Variants in BCO1 observed in about 807,000 individuals in gnomAD.
BCO1 encodes the protein beta,beta-carotene 15,15'-dioxygenase.
BCO1 carries 54 observed loss-of-function variants against 56.3 expected under a neutral mutation model. That is an observed-to-expected ratio of 0.96 (90% CI 0.77 to 1.20). The LOEUF (loss-of-function observed/expected upper bound fraction) is 1.20, where lower values mean the gene tolerates loss of function less well. Among genes scored for constraint, BCO1 ranks in the 50% most tolerant of loss-of-function variants. BCO1 has a pLI of 0.00. For missense variants in BCO1, 801 were observed against 690.9 expected, an observed-to-expected ratio of 1.16 and a Z score of -1.79; for synonymous variants, 318 against 266.1, an observed-to-expected ratio of 1.20 and a Z score of -1.90.
At chr16:81,259,835 T>G (rs1158453773) in intron 3 of BCO1, 30 bp downstream of exon 3, 2 of 1,613,696 alleles carry the variant, frequency 1.2e-6, no homozygotes, top group Non-Finnish European at 1.7e-6. Context: ...CTGAGCAAAT[T>G]TCATGCTTTT....
intron 5 of BCO1, among the ~76,000 whole-genome samples, chr16:81,266,539 A>G (rs1305042456): frequency 6.6e-6 from 1 of 152,170 alleles, no homozygotes; most frequent in Admixed American, 6.5e-5. Context: ...TCGAGGTCAG[A>G]AGGTACACGG....
chr16:81,273,137 T>G (rs964772832), intron 7 of BCO1, among the ~76,000 whole-genome samples: 1 of 152,086 alleles, frequency 6.6e-6, no homozygotes, highest in African/African-American at 2.4e-5. Context: ...ACACAGCTCA[T>G]TTTTTGTTTG....
intron 7 of BCO1, among the ~76,000 whole-genome samples, chr16:81,274,203 T>C (rs1423755272): frequency 1.3e-5 from 2 of 151,510 alleles, no homozygotes; most frequent in African/African-American, 4.8e-5. Context: ...CCTTTTGTCA[T>C]GCTCGAGAAT....
At chr16:81,282,236 G>A (rs747040220) in intron 8 of BCO1, among the ~76,000 whole-genome samples, 18 of 152,060 alleles carry the variant, frequency 1.2e-4, no homozygotes, top group Non-Finnish European at 2.1e-4. Context: ...AAAATTAGCC[G>A]GCATGGTGGT....
intron 7 of BCO1, among the ~76,000 whole-genome samples, chr16:81,272,292 TA>T (rs1907277477): frequency 6.6e-6 from 1 of 150,788 alleles, no homozygotes; most frequent in Non-Finnish European, 1.5e-5. Context: ...TTTTTTTTTG[TA>T]TTTTTTAGTA....
At chr16:81,254,559 C>A (rs977765198) in intron 2 of BCO1, among the ~76,000 whole-genome samples, 1 of 151,756 alleles carries the variant, frequency 6.6e-6, no homozygotes, top group African/African-American at 2.4e-5. Context: ...CACCACGCCT[C>A]CCCTCAATTT....
chr16:81,284,184 C>T (rs1462831223), intron 8 of BCO1, among the ~76,000 whole-genome samples: 6 of 150,870 alleles, frequency 4.0e-5, no homozygotes. Flanking sequence ...CAGAGCTAGA[C>T]TCCATCTCAA....
At position 81,290,827 on chromosome 16, in the gene BCO1, C is replaced by T; in HGVS notation, c.*250C>T. On this transcript the variant is annotated 3_prime_UTR_variant, in exon 11 of 11. Coordinates refer to ENST00000258168, the MANE Select transcript of BCO1 (RefSeq NM_017429.3). The stretch of plus-strand genomic sequence containing the variant: ...GATTAGATCCAGTCCTTCTAAGAAA[C>T]CTCCTTTCCTTTAACAAAAAGACCT... The T allele has an allele frequency of 2.3e-6, 1 of 427,474 alleles. No individual in the cohort carries two copies. Among genetic ancestry groups the T allele is most frequent in the East Asian group, 3.7e-5 (1 of 27,164 alleles). The allele number at this position is 427,474 out of a possible 1,614,324, so 26.5% of individuals were successfully genotyped here.
At position 81,251,890 on chromosome 16, in the gene BCO1, G is replaced by GTGTGTGTGTA. The variant is rs1286111425; in HGVS notation, c.193+6288_193+6289insGTGTGTGTAT. 1.6e-3 allele frequency among the ~76,000 whole-genome samples: 242 copies of GTGTGTGTGTA among 150,388 alleles called. 2 individuals are homozygous for GTGTGTGTGTA. Among genetic ancestry groups the GTGTGTGTGTA allele is most frequent in the African/African-American group, 5.5e-3 (225 of 40,802 alleles). ...CACACATATATGTGTGTGTGTGTGT[G>GTGTGTGTGTA]TATATATATCTATATCTTCCCTTCT... On this transcript the variant is annotated intron_variant, in intron 2 of 10. Coordinates refer to ENST00000258168, the MANE Select transcript of BCO1 (RefSeq NM_017429.3).
chr16:81,280,847 A>C lies in BCO1; in HGVS notation c.1102-10A>C. 1 of 1,604,400 alleles carries C rather than the reference A, an allele frequency of 6.2e-7. No individual in the cohort carries two copies. The highest frequency in any genetic ancestry group is 8.5e-7 in the Non-Finnish European group (1 of 1,171,030). ...TTTTATTTTACTTTTTGAAAACTGA[A>C]TTTTTTCAGAATGCAGAAGTGGGCA... On this transcript the variant is annotated splice_polypyrimidine_tract_variant and intron_variant, in intron 7 of 10. Transcript: ENST00000258168.
rs769208141 is a variant in BCO1, at chr16:81,285,614, T to G, written c.1282T>G (p.Trp428Gly). 3 of 1,610,764 alleles carry G rather than the reference T, an allele frequency of 1.9e-6. No individual in the cohort carries two copies. The highest frequency in any genetic ancestry group is 8.5e-7 in the Non-Finnish European group (1 of 1,177,006). ...ATATGTCTTTGCTACAGGAGTTCAG[T>G]GGAGTCCAATCCCAACCAAGGTACT... The part of the protein sequence containing the change: ...YRYVFATGVQ[W>G]SPIPTKIIKY... The change falls in exon 9 of 11, where the codon TGG becomes GGG. Residue 428 changes from tryptophan to glycine, a missense_variant. Transcript: ENST00000258168.
chr16:81,270,771 G>A (rs559110827), intron 7 of BCO1, among the ~76,000 whole-genome samples: 13 of 145,262 alleles, frequency 8.9e-5, no homozygotes, highest in African/African-American at 3.3e-4. Flanking sequence ...TTGAGACGTA[G>A]TCTCGCTCTG....
rs141726443 is a variant in BCO1 at position 81,246,080 on chromosome 16, C to T, written c.193+477C>T. Among the ~76,000 whole-genome samples the T allele has an allele frequency of 6.3e-3, 952 of 152,094 alleles. 8 individuals are homozygous for T. The highest frequency in any genetic ancestry group is 0.016 in the East Asian group (84 of 5,148). ...CTGACCTCAGATGATCCGCCCACCT[C>T]GTGCTCCCAAAGTGCTGGGATTACA... On this transcript the variant is annotated intron_variant, in intron 2 of 10. Transcript: ENST00000258168.
At chr16:81,240,852 GAGA>G (rs1202929015) in intron 1 of BCO1, among the ~76,000 whole-genome samples, 5 of 40,020 alleles carry the variant, frequency 1.2e-4, no homozygotes, top group East Asian at 1.7e-3. Context: ...TTTTTTTTTT[GAGA>G]AGGAGTTTCA....
At chr16:81,274,885 G>A (rs995410244) in intron 7 of BCO1, among the ~76,000 whole-genome samples, 1 of 151,008 alleles carries the variant, frequency 6.6e-6, no homozygotes, top group Non-Finnish European at 1.5e-5. Flanking sequence ...ATGGGCAACA[G>A]AGTGAGACTC....
At chr16:81,270,710 G>GTGTA (rs1555505407) in intron 7 of BCO1, among the ~76,000 whole-genome samples, 1 of 151,386 alleles carries the variant, frequency 6.6e-6, no homozygotes, top group African/African-American at 2.4e-5. Context: ...GTGTGTGTGT[G>GTGTA]TGTGTGTGTG....
intron 9 of BCO1, 86 bp from the exon 10 acceptor site, chr16:81,287,209 G>T: frequency 2.0e-6 from 2 of 1,005,658 alleles, no homozygotes; most frequent in Non-Finnish European, 1.6e-6. Context: ...CATCTCCTCT[G>T]TGTGGATCTT....
chr16:81,280,318 C>G (rs147274257), intron 7 of BCO1, among the ~76,000 whole-genome samples: 10,401 of 34,752 alleles, frequency 0.3, 1,614 homozygotes, highest in Non-Finnish European at 0.48. Flanking sequence ...ATTACACACA[C>G]ACACAGACAC....
intron 2 of BCO1, among the ~76,000 whole-genome samples, chr16:81,256,556 T>C (rs925777870): frequency 4.6e-5 from 7 of 152,168 alleles, no homozygotes; most frequent in African/African-American, 1.7e-4. Flanking sequence ...ACACTGCCTC[T>C]TTCAGGCCCC....
Sources: gnomAD v4.1 joint callset for allele counts (sites outside exome capture counted in the v4.1 genomes callset) on GRCh38, gnomAD v4.1.1 for gene constraint, MANE v1.5 for transcripts, NCBI Gene and HGNC (gene_info 2026-07-23, HGNC 2026-07-21) for gene names.